Variants in HMG20A observed in about 807,000 individuals in gnomAD.
HMG20A encodes the protein high mobility group protein 20A.
Under a neutral mutation model 43.9 loss-of-function variants are expected in HMG20A, and 17 were observed. The ratio of observed to expected loss-of-function variants is 0.39; its 90% confidence interval spans 0.27 to 0.58. The LOEUF is 0.58. Among genes scored for constraint, HMG20A ranks in the 20% least tolerant of loss-of-function variants. The probability of loss-of-function intolerance (pLI) is 0.59; values close to 1 mark genes in which losing one functional copy is unlikely to be tolerated. For missense variants in HMG20A, 341 were observed against 438.2 expected, an observed-to-expected ratio of 0.78 and a Z score of 1.98; for synonymous variants, 132 against 147.5, an observed-to-expected ratio of 0.89 and a Z score of 0.76.
At chr15:77,447,911 A>C (rs1158883629) in intron 1 of HMG20A, 1 of 152,196 alleles carries the variant, frequency 6.6e-6, no homozygotes, top group Non-Finnish European at 1.5e-5. Flanking sequence ...CGCTATATTT[A>C]GCTTCAAAAA....
the HMG20A span, among the ~76,000 whole-genome samples, chr15:77,515,616 T>G: frequency 2.0e-5 from 3 of 152,228 alleles, no homozygotes; most frequent in African/African-American, 7.2e-5. Context: ...AAAAAATATA[T>G]TTTTTAAATG....
chr15:77,431,667 ACT>A (rs533513614), intron 1 of HMG20A, among the ~76,000 whole-genome samples: 8 of 152,054 alleles, frequency 5.3e-5, no homozygotes, highest in Non-Finnish European at 8.8e-5. Flanking sequence ...CTGAGCATCT[ACT>A]CTCTTAGCAA....
the HMG20A span, among the ~76,000 whole-genome samples, chr15:77,517,093 G>C: frequency 3.9e-5 from 6 of 152,288 alleles, no homozygotes; most frequent in African/African-American, 1.4e-4. Context: ...AGAAGACCTA[G>C]GCTCCTTGAG....
At position 77,445,062 on chromosome 15, in the gene HMG20A, C is replaced by A. The variant is rs373584723; in HGVS notation, c.-4-13342C>A. Reference sequence around the variant, plus strand: ...AGTCAGTTGATTAAAATGAAAAACACTTTGATGGGATTAGTTTCCATTTAT... The same window carrying A: ...AGTCAGTTGATTAAAATGAAAAACAATTTGATGGGATTAGTTTCCATTTAT... On this transcript the variant is annotated intron_variant, in intron 1 of 9. Transcript: ENST00000336216. Among the ~76,000 whole-genome samples, 82 of 152,270 alleles carry A rather than the reference C, an allele frequency of 5.4e-4. 3 individuals are homozygous for A. In the South Asian group the frequency reaches 0.016, roughly 30 times the overall value.
chr15:77,496,668 T>C, the HMG20A span, among the ~76,000 whole-genome samples: 2 of 152,170 alleles, frequency 1.3e-5, no homozygotes, highest in Admixed American at 1.3e-4. Context: ...GTTTACTTTT[T>C]CCCCCTCTCT....
intron 1 of HMG20A, among the ~76,000 whole-genome samples, chr15:77,449,652 T>C (rs554588888): frequency 5.5e-4 from 83 of 152,210 alleles, no homozygotes; most frequent in Admixed American, 2.4e-3. Flanking sequence ...ATGAATGTTA[T>C]ATTTTAGAGC....
At chr15:77,511,180 T>G in the HMG20A span, among the ~76,000 whole-genome samples, 904 of 152,332 alleles carry the variant, frequency 5.9e-3, 11 homozygotes, top group African/African-American at 0.021. Flanking sequence ...GGGAGAAGTT[T>G]GAGTGAATCC....
chr15:77,518,176 G>A, the HMG20A span, among the ~76,000 whole-genome samples: 1 of 152,180 alleles, frequency 6.6e-6, no homozygotes. Context: ...TCTTGGAGCA[G>A]GAAAAGTCTT....
intron 5 of HMG20A, 59 bp from the exon 6 acceptor site, chr15:77,471,724 G>T: frequency 9.4e-7 from 1 of 1,059,304 alleles, no homozygotes; most frequent in Non-Finnish European, 1.5e-6. Flanking sequence ...TCGTATACTT[G>T]GGTTTTGTTA....
chr15:77,451,664 G>A (rs964852360), intron 1 of HMG20A, among the ~76,000 whole-genome samples: 2 of 152,028 alleles, frequency 1.3e-5, no homozygotes, highest in African/African-American at 2.4e-5. Context: ...TTTTGAGCTC[G>A]CAGTGTACTG....
At chr15:77,492,966 G>T in the HMG20A span, among the ~76,000 whole-genome samples, 1 of 152,160 alleles carries the variant, frequency 6.6e-6, no homozygotes, top group Non-Finnish European at 1.5e-5. Flanking sequence ...GGTAACTGTG[G>T]TCTGGTGGGG....
Position 77,454,459 on chromosome 15 carries a change from G to C in HMG20A, c.-4-3945G>C, listed in dbSNP as rs539012271. On this transcript the variant is annotated intron_variant, in intron 1 of 9. Transcript: ENST00000336216. ...TTGAGGAATGTGAAAAGATAATGCTGACTGAGTTGGAGGATTTGGGTGAGT... is the reference window on the plus strand; with the variant it reads ...TTGAGGAATGTGAAAAGATAATGCTCACTGAGTTGGAGGATTTGGGTGAGT... 6.6e-5 allele frequency among the ~76,000 whole-genome samples: 10 copies of C among 152,236 alleles called. No homozygotes were observed. The South Asian group carries it at 2.1e-3, about 32-fold the overall frequency.
chr15:77,501,980 G>A, the HMG20A span, among the ~76,000 whole-genome samples: 6 of 151,968 alleles, frequency 3.9e-5, no homozygotes, highest in African/African-American at 1.2e-4. Context: ...CTTTCATCTC[G>A]CCCCTAGATC....
chr15:77,493,027 G>A, the HMG20A span, among the ~76,000 whole-genome samples: 1,286 of 152,224 alleles, frequency 8.4e-3, 19 homozygotes, highest in African/African-American at 0.03. Context: ...CTCTCCATAT[G>A]CAGTCTACTT....
the HMG20A span, among the ~76,000 whole-genome samples, chr15:77,504,556 C>T: frequency 5.3e-4 from 80 of 152,350 alleles, no homozygotes; most frequent in African/African-American, 1.7e-3. Flanking sequence ...CTGGAGTTTC[C>T]GTTGGGGAAA....
the HMG20A span, among the ~76,000 whole-genome samples, chr15:77,513,340 C>A: frequency 2.0e-5 from 3 of 152,156 alleles, no homozygotes; most frequent in African/African-American, 7.2e-5. Flanking sequence ...AATGCCTCTA[C>A]CCTATGACCC....
chr15:77,515,082 T>C, the HMG20A span, among the ~76,000 whole-genome samples: 1 of 152,160 alleles, frequency 6.6e-6, no homozygotes, highest in Non-Finnish European at 1.5e-5. Context: ...GGATGTGGCT[T>C]GGTCATGGTT....
chr15:77,435,425 A>G (rs1349518769), intron 1 of HMG20A, among the ~76,000 whole-genome samples: 1 of 152,140 alleles, frequency 6.6e-6, no homozygotes, highest in Non-Finnish European at 1.5e-5. Context: ...CTGGGACTAC[A>G]GATGCGTGCC....
intron 1 of HMG20A, among the ~76,000 whole-genome samples, chr15:77,454,556 A>T (rs912226711): frequency 6.6e-6 from 1 of 152,202 alleles, no homozygotes; most frequent in Non-Finnish European, 1.5e-5. Flanking sequence ...AGTGATTACT[A>T]AGAGCATAGA....
Sources: gnomAD v4.1 joint callset for allele counts (sites outside exome capture counted in the v4.1 genomes callset) on GRCh38, gnomAD v4.1.1 for gene constraint, MANE v1.5 for transcripts, NCBI Gene and HGNC (gene_info 2026-07-23, HGNC 2026-07-21) for gene names.